SLC39A14: variants seen among roughly 807,000 people sequenced by gnomAD.
The protein encoded by SLC39A14 is metal cation symporter ZIP14.
Under a neutral mutation model 45.5 loss-of-function variants are expected in SLC39A14, and 19 were observed. The observed-to-expected ratio is 0.42, with a 90% CI of 0.29 to 0.61. The LOEUF is 0.61. Ranked by LOEUF, SLC39A14 falls within the 20% of genes least tolerant of loss-of-function variation. The probability of loss-of-function intolerance (pLI) is 0.22; values close to 1 mark genes in which losing one functional copy is unlikely to be tolerated. For missense variants in SLC39A14, 447 were observed against 616.5 expected (o/e 0.73, Z 2.91); for synonymous variants, 264 against 251.3 (o/e 1.05, Z -0.48).
chr8:22,401,552 T>TC (rs1450639594), intron 1 of SLC39A14, among the ~76,000 whole-genome samples: 1 of 139,344 alleles, frequency 7.2e-6, no homozygotes, highest in Non-Finnish European at 1.6e-5. Flanking sequence ...TCTTTTTTTT[T>TC]TTTTTTTTTT....
chr8:22,394,614 C>T (rs529584278), intron 1 of SLC39A14, among the ~76,000 whole-genome samples: 59 of 152,232 alleles, frequency 3.9e-4, no homozygotes, highest in South Asian at 6.2e-4. Flanking sequence ...CCACTGTGCC[C>T]GGCCGATTTT....
chr8:22,412,934 G>T (rs116736274), intron 4 of SLC39A14, among the ~76,000 whole-genome samples: 2 of 152,140 alleles, frequency 1.3e-5, no homozygotes, highest in African/African-American at 4.8e-5. Flanking sequence ...GTGAGACTCC[G>T]TCTCAAAACA....
At chr8:22,380,293 T>C (rs567661477) in intron 1 of SLC39A14, among the ~76,000 whole-genome samples, 6 of 152,128 alleles carry the variant, frequency 3.9e-5, no homozygotes, top group South Asian at 2.1e-4. Flanking sequence ...AGGGGACAGA[T>C]TGTGGTACCC....
chr8:22,406,833 A>G (rs1404481684), intron 2 of SLC39A14, among the ~76,000 whole-genome samples: 1 of 152,210 alleles, frequency 6.6e-6, no homozygotes, highest in Non-Finnish European at 1.5e-5. Flanking sequence ...AGGACCCGCC[A>G]GGATAGCAGC....
At position 22,416,153 on chromosome 8, in the gene SLC39A14, C is replaced by G; in HGVS notation, c.1020C>G (p.Ile340Met). Residue 340 changes from isoleucine (I) to methionine (M), a missense_variant, in exon 7 of 9, where the codon ATC (isoleucine) becomes ATG (methionine). Physicochemically the swap from Ile to Met is conservative, Grantham distance 10. Coordinates refer to ENST00000381237, the MANE Select transcript of SLC39A14 (RefSeq NM_001128431.4). ...ATATCGGCACTCTGGCCTGGATGAT[C>G]ACTCTGAGCGACGGCCTCCATAATT... is the stretch of plus-strand genomic sequence containing the variant. Reference protein sequence around the residue: ...YSDIGTLAWMITLSDGLHNFI... With the variant: ...YSDIGTLAWMMTLSDGLHNFI... The G allele has an allele frequency of 6.2e-7, 1 of 1,614,118 alleles. No individual in the cohort carries two copies. Among genetic ancestry groups the G allele is most frequent in the Non-Finnish European group, 8.5e-7 (1 of 1,180,028 alleles).
In SLC39A14 at chr8:22,408,352, G is replaced by A. The variant is rs879253764; in HGVS notation, c.313G>A (p.Glu105Lys). 3.7e-6 allele frequency: 6 copies of A among 1,614,182 alleles called. No individual in the cohort carries two copies. In the South Asian group the frequency reaches 4.4e-5, roughly 12 times the overall value. The change falls in exon 3 of 9, where the codon GAG becomes AAG. Residue 105 changes from glutamate to lysine, a missense_variant. Physicochemically the swap from Glu to Lys is moderately conservative, Grantham distance 56. This residue lies in a region of SLC39A14 where 342 missense variants were observed against 428.1 expected (regional missense o/e 0.80). Coordinates refer to ENST00000381237, the MANE Select transcript of SLC39A14 (RefSeq NM_001128431.4). The part of the protein sequence containing the change: ...GDLFTAHNFS[E>K]QSRIGSSELQ... ...CCTCTTCACTGCCCACAATTTCAGC[G>A]AGCAGTCGCGGATTGGGAGCAGCGA...
At chr8:22,414,541 A>G (rs564925973) in intron 4 of SLC39A14, among the ~76,000 whole-genome samples, 2 of 152,372 alleles carry the variant, frequency 1.3e-5, no homozygotes, top group African/African-American at 2.4e-5. Flanking sequence ...AATTCTACAG[A>G]TGATCAGTCT....
At chr8:22,393,391 A>T (rs1181926520) in intron 1 of SLC39A14, among the ~76,000 whole-genome samples, 1 of 152,022 alleles carries the variant, frequency 6.6e-6, no homozygotes, top group Non-Finnish European at 1.5e-5. Context: ...GTCTGAGGGG[A>T]GAGTGGCTTC....
At chr8:22,417,630 T>G in intron 7 of SLC39A14, 21 bp from the exon 8 acceptor site, 1 of 1,607,198 alleles carries the variant, frequency 6.2e-7, no homozygotes, top group Non-Finnish European at 8.5e-7. Context: ...GTCCCTCCCC[T>G]TTTCATTCTC....
intron 8 of SLC39A14, 110 bp from the exon 9 acceptor site, chr8:22,419,442 G>A: frequency 9.1e-7 from 1 of 1,095,556 alleles, no homozygotes; most frequent in South Asian, 1.5e-5. Context: ...ACCTGGCCCT[G>A]ATAATTTTCT....
Position 22,417,647 on chromosome 8 carries a change from G to A in SLC39A14, c.1148-4G>A. 1 of 1,612,352 alleles carries A rather than the reference G, an allele frequency of 6.2e-7. No individual in the cohort carries two copies. Among genetic ancestry groups the A allele is most frequent in the Non-Finnish European group, 8.5e-7 (1 of 1,179,228 alleles). ...CCCTCCCCTTTTCATTCTCGCTGCT[G>A]TAGGAGACTTTGTCATCCTGCTCAA... On this transcript the variant is annotated splice_polypyrimidine_tract_variant and splice_region_variant and intron_variant, in intron 7 of 8. Transcript: ENST00000381237.
chr8:22,397,980 G>C (rs962231814), intron 1 of SLC39A14, among the ~76,000 whole-genome samples: 1 of 152,100 alleles, frequency 6.6e-6, no homozygotes, highest in Non-Finnish European at 1.5e-5. Context: ...TGGGTCCCTC[G>C]GAGACCCCTT....
chr8:22,416,346 C>T, intron 7 of SLC39A14, 66 bp downstream of exon 7: 2 of 1,381,756 alleles, frequency 1.4e-6, no homozygotes, highest in Non-Finnish European at 2.0e-6. Flanking sequence ...CTTCCTGTGG[C>T]CGGTTCCTTG....
At chr8:22,425,269 C>T (rs932060436), downstream of SLC39A14, among the ~76,000 whole-genome samples, 2 of 152,160 alleles carry the variant, frequency 1.3e-5, no homozygotes, top group African/African-American at 2.4e-5. Flanking sequence ...AGATTAAAAC[C>T]GTGACCTTAG....
intron 1 of SLC39A14, among the ~76,000 whole-genome samples, chr8:22,389,646 G>A (rs1833964744): frequency 1.3e-5 from 2 of 152,022 alleles, no homozygotes; most frequent in Non-Finnish European, 2.9e-5. Context: ...GTCTGCCAAG[G>A]GCCCACCTCC....
At chr8:22,389,598 G>T (rs1487089544) in intron 1 of SLC39A14, among the ~76,000 whole-genome samples, 1 of 152,056 alleles carries the variant, frequency 6.6e-6, no homozygotes, top group African/African-American at 2.4e-5. Flanking sequence ...CTTGTCATGG[G>T]CCAGCAGATT....
intron 2 of SLC39A14, among the ~76,000 whole-genome samples, chr8:22,405,781 C>CCCT (rs2132313907): frequency 6.6e-6 from 1 of 152,078 alleles, no homozygotes; most frequent in African/African-American, 2.4e-5. Flanking sequence ...AGGGCTGGAA[C>CCCT]GCCAGGTCTT....
chr8:22,383,599 G>A (rs946093413), intron 1 of SLC39A14, among the ~76,000 whole-genome samples: 3 of 152,182 alleles, frequency 2.0e-5, no homozygotes, highest in Admixed American at 2.0e-4. Flanking sequence ...TTAGAGCACA[G>A]CGTACTTGAG....
chr8:22,427,904 C>T lies in SLC39A14; in HGVS notation c.1333-5987C>T, dbSNP rs75944359. On this transcript the variant is annotated intron_variant, in intron 8 of 8. Coordinates refer to the SLC39A14 transcript ENST00000240095. ...TCTAAACAGACTGGGTGTGGTGGCT[C>T]ACACCTGCAATCCCAGTGCATTGGG... Among the ~76,000 whole-genome samples the T allele has an allele frequency of 7.1e-3, 1,079 of 152,292 alleles. 10 individuals carry two copies. Among genetic ancestry groups the T allele is most frequent in the African/African-American group, 0.024 (1,015 of 41,546 alleles).
Sources: gnomAD v4.1 joint callset for allele counts (sites outside exome capture counted in the v4.1 genomes callset) on GRCh38, gnomAD v4.1.1 for gene constraint, gnomAD v4.1.1 regional missense constraint, MANE v1.5 for transcripts, NCBI Gene and HGNC (gene_info 2026-07-23, HGNC 2026-07-21) for gene names.